The following GALNT17 variants were observed in gnomAD, a reference collection of about 807,000 sequenced individuals.
GALNT17 encodes the protein UDP-GalNAc:polypeptide N-acetylgalactosaminyltransferase-like 3.
Under a neutral mutation model 63.7 loss-of-function variants are expected in GALNT17, and 29 were observed. The observed-to-expected ratio is 0.46, with a 90% CI of 0.34 to 0.62. The LOEUF (loss-of-function observed/expected upper bound fraction) is 0.62. Ranked by LOEUF, GALNT17 falls within the 20% of genes least tolerant of loss-of-function variation. The pLI is 0.01. For missense variants in GALNT17, 603 were observed against 799.6 expected, an observed-to-expected ratio of 0.75 and a Z score of 2.97; for synonymous variants, 305 against 318.3, an observed-to-expected ratio of 0.96 and a Z score of 0.45.
intron 5 of GALNT17, among the ~76,000 whole-genome samples, chr7:71,550,187 A>G (rs1032644673): frequency 6.6e-6 from 1 of 152,052 alleles, no homozygotes; most frequent in African/African-American, 2.4e-5. Flanking sequence ...TTTAAAGAAG[A>G]AAATAAAAGT....
At chr7:71,583,729 A>G (rs1227799288) in intron 6 of GALNT17, among the ~76,000 whole-genome samples, 2 of 8,176 alleles carry the variant, frequency 2.4e-4, no homozygotes, top group Non-Finnish European at 1.6e-3. Flanking sequence ...ACACACATGC[A>G]CACACACACA....
chr7:71,413,745 A>G lies in GALNT17; in HGVS notation c.590-2144A>G, dbSNP rs567167910. ...GTCTTTGAGCACAGGCCAGAGCACA[A>G]CTCAGTATCTTATAAAGTCCAGAAT... On this transcript the variant is annotated intron_variant, in intron 3 of 10. Transcript: ENST00000333538. Among the ~76,000 whole-genome samples the G allele has an allele frequency of 1.5e-4, 23 of 152,150 alleles. 1 individual carries two copies. In the South Asian group the frequency reaches 4.6e-3, roughly 30 times the overall value.
At chr7:71,508,545 C>G (rs1378946925) in intron 5 of GALNT17, among the ~76,000 whole-genome samples, 1 of 152,086 alleles carries the variant, frequency 6.6e-6, no homozygotes, top group Non-Finnish European at 1.5e-5. Context: ...GAAGTGAGCA[C>G]ACGCAGCACC....
chr7:71,487,911 T>C (rs941848753), intron 5 of GALNT17, among the ~76,000 whole-genome samples: 1 of 152,034 alleles, frequency 6.6e-6, no homozygotes, highest in African/African-American at 2.4e-5. Context: ...CTCACACCTA[T>C]AATTCCAGTG....
intron 1 of GALNT17, among the ~76,000 whole-genome samples, chr7:71,301,505 G>A (rs1054365391): frequency 1.8e-4 from 27 of 150,614 alleles, no homozygotes; most frequent in African/African-American, 6.3e-4. Context: ...GATAGAGAGG[G>A]ATTTACTTTT....
intron 1 of GALNT17, among the ~76,000 whole-genome samples, chr7:71,144,583 A>G (rs1046521936): frequency 2.0e-5 from 3 of 152,098 alleles, no homozygotes; most frequent in Admixed American, 1.3e-4. Flanking sequence ...TACAGGACCA[A>G]TAGGTTCATA....
intron 5 of GALNT17, among the ~76,000 whole-genome samples, chr7:71,439,438 C>T (rs538748002): frequency 1.1e-3 from 175 of 152,296 alleles, no homozygotes; most frequent in Non-Finnish European, 1.5e-3. Flanking sequence ...TGCTAGATAG[C>T]TTTCCTTTGG....
intron 5 of GALNT17, among the ~76,000 whole-genome samples, chr7:71,567,112 A>G (rs756428378): frequency 6.6e-6 from 1 of 152,162 alleles, no homozygotes; most frequent in Non-Finnish European, 1.5e-5. Context: ...GCTTGGGATC[A>G]GTGCTCATTT....
chr7:71,387,754 A>C (rs1792973238), intron 2 of GALNT17, among the ~76,000 whole-genome samples: 1 of 152,110 alleles, frequency 6.6e-6, no homozygotes, highest in South Asian at 2.1e-4. Flanking sequence ...AGCTCAGGGC[A>C]CAGGTAGGCA....
At chr7:71,629,750 C>A (rs946962599) in intron 6 of GALNT17, among the ~76,000 whole-genome samples, 1 of 152,186 alleles carries the variant, frequency 6.6e-6, no homozygotes, top group Non-Finnish European at 1.5e-5. Flanking sequence ...TCCCAAGTAG[C>A]TGGGACAGCA....
At chr7:71,189,911 A>G (rs1788919152) in intron 1 of GALNT17, among the ~76,000 whole-genome samples, 2 of 151,550 alleles carry the variant, frequency 1.3e-5, no homozygotes, top group South Asian at 4.2e-4. Flanking sequence ...CCCGGGTTCA[A>G]TTGATTATCC....
intron 3 of GALNT17, among the ~76,000 whole-genome samples, chr7:71,402,965 G>T (rs1793266639): frequency 6.6e-6 from 1 of 152,112 alleles, no homozygotes; most frequent in Non-Finnish European, 1.5e-5. Context: ...TTCCTAATCA[G>T]TAAGAATACT....
chr7:71,660,024 A>T (rs566979608), intron 6 of GALNT17, among the ~76,000 whole-genome samples: 1 of 152,232 alleles, frequency 6.6e-6, no homozygotes, highest in South Asian at 2.1e-4. Context: ...TCTGCCTGTG[A>T]TTCTTTGATT....
chr7:71,367,957 C>G (rs565493502), intron 2 of GALNT17, among the ~76,000 whole-genome samples: 11 of 152,260 alleles, frequency 7.2e-5, no homozygotes, highest in African/African-American at 2.6e-4. Context: ...AGCACTGGAC[C>G]CTAGGAGAGG....
At chr7:71,137,272 T>C (rs1484708431) in intron 1 of GALNT17, among the ~76,000 whole-genome samples, 2 of 151,898 alleles carry the variant, frequency 1.3e-5, no homozygotes, top group African/African-American at 4.8e-5. Context: ...CCCGAGTAGC[T>C]GGGACTACAG....
At chr7:71,182,022 A>T (rs1334264150) in intron 1 of GALNT17, among the ~76,000 whole-genome samples, 9 of 152,154 alleles carry the variant, frequency 5.9e-5, no homozygotes, top group Admixed American at 5.9e-4. Flanking sequence ...CTAAAAATAC[A>T]AAATTAGCTG....
At chr7:71,142,482 A>G (rs1787933847) in intron 1 of GALNT17, among the ~76,000 whole-genome samples, 1 of 152,230 alleles carries the variant, frequency 6.6e-6, no homozygotes. Flanking sequence ...ACCCAATTAC[A>G]GAACACAATG....
At chr7:71,395,304 T>C (rs1248163556) in intron 3 of GALNT17, among the ~76,000 whole-genome samples, 1 of 152,212 alleles carries the variant, frequency 6.6e-6, no homozygotes, top group African/African-American at 2.4e-5. Context: ...ATTTGCCTCT[T>C]CTGGACATTT....
At chr7:71,438,133 A>C (rs1360657667) in intron 5 of GALNT17, among the ~76,000 whole-genome samples, 1 of 152,220 alleles carries the variant, frequency 6.6e-6, no homozygotes, top group Admixed American at 6.5e-5. Context: ...GGACAGAACT[A>C]ATAATATATG....
Sources: gnomAD v4.1 joint callset for allele counts (sites outside exome capture counted in the v4.1 genomes callset) on GRCh38, gnomAD v4.1.1 for gene constraint, MANE v1.5 for transcripts, NCBI Gene and HGNC (gene_info 2026-07-23, HGNC 2026-07-21) for gene names.